Variants in AUTS2 observed in about 807,000 individuals in gnomAD.
The protein encoded by AUTS2 is autism susceptibility gene 2 protein.
Under a neutral mutation model 112.4 loss-of-function variants are expected in AUTS2, and 17 were observed. The ratio of observed to expected loss-of-function variants is 0.15; its 90% CI spans 0.10 to 0.23. AUTS2 has a LOEUF of 0.23. Ranked by LOEUF, AUTS2 falls within the 10% of genes least tolerant of loss-of-function variation. The probability of loss-of-function intolerance (pLI) is 1.00; values close to 1 mark genes in which losing one functional copy is unlikely to be tolerated. For missense variants in AUTS2, 1,510 were observed against 1,701.6 expected (o/e 0.89, Z 1.98); for synonymous variants, 751 against 702.7 (o/e 1.07, Z -1.09).
chr7:70,764,299 CTCT>C (rs896138666), intron 7 of AUTS2, among the ~76,000 whole-genome samples: 12 of 152,146 alleles, frequency 7.9e-5, no homozygotes, highest in African/African-American at 2.9e-4. Flanking sequence ...TGGGTTTCAC[CTCT>C]TCTTTGTGTG....
chr7:70,336,169 A>G (rs1790981416), intron 4 of AUTS2, among the ~76,000 whole-genome samples: 1 of 152,218 alleles, frequency 6.6e-6, no homozygotes, highest in African/African-American at 2.4e-5. Flanking sequence ...TGGTTTGTTA[A>G]CAGTTAGGAA....
chr7:69,677,311 C>A (rs1265929118), intron 1 of AUTS2, among the ~76,000 whole-genome samples: 2 of 152,146 alleles, frequency 1.3e-5, no homozygotes, highest in Non-Finnish European at 2.9e-5. Context: ...ATCCAAGGTA[C>A]AAGTTTTCCA....
In AUTS2 at chr7:69,899,316, G is replaced by T; in HGVS notation, c.340G>T (p.Val114Leu). 6.2e-7 allele frequency: 1 copy of T among 1,613,778 alleles called. No individual in the cohort carries two copies. The highest frequency in any genetic ancestry group is 2.2e-5 in the East Asian group (1 of 44,868). The change falls in exon 2 of 19, where the codon GTG becomes TTG. Residue 114 changes from valine (V) to leucine (L), a missense_variant. Physicochemically the swap from Val to Leu is conservative, Grantham distance 32. This residue lies in a region of AUTS2 where 535 missense variants were observed against 594.3 expected (regional missense o/e 0.90). Coordinates refer to ENST00000342771, the MANE Select transcript of AUTS2 (RefSeq NM_015570.4). ...KDVALKPQER[V>L]EKRQTPLTKK... is the part of the protein sequence containing the mutation. ...TGTAGCACTTAAGCCTCAGGAACGT[G>T]TGGAGAAACGCCAGACGCCCCTGAC...
chr7:70,764,977 C>A lies in AUTS2; in HGVS notation c.1440C>A (p.Ala480=). The part of the protein sequence containing the change: ...PPLTSGSLQV[A]GHPAGSTYSE... ...TGACATCAGGAAGTCTGCAGGTGGC[C>A]GGACACCCGGCCGGGAGCACTTACT... Residue 480 remains alanine, a synonymous_variant, in exon 8 of 19, where the codon GCC becomes GCA. Transcript: ENST00000342771. 1 of 1,613,782 alleles carries A rather than the reference C, an allele frequency of 6.2e-7. No homozygotes were observed. The highest frequency in any genetic ancestry group is 8.5e-7 in the Non-Finnish European group (1 of 1,179,988).
In AUTS2 at chr7:69,599,333, C is replaced by T. The variant is rs1792236802; in HGVS notation, c.-321C>T. 6 of 282,634 alleles carry T rather than the reference C, an allele frequency of 2.1e-5. No homozygotes were observed. The highest frequency in any genetic ancestry group is 6.0e-5 in the East Asian group (1 of 16,590). The allele number at this position is 282,634 out of a possible 1,614,324, so 17.5% of individuals were successfully genotyped here. On this transcript the variant is annotated 5_prime_UTR_variant, in exon 1 of 19. Transcript: ENST00000342771. This position sits in a 1 kb window ranked among gnomAD's most constrained non-coding sequence, Gnocchi z 7.0. ...TATTTTTTTTTCCTCTAAAGGAGACCTGTGTGTTCAGCCATTACTTTGCTC... is the reference window on the plus strand; with the variant it reads ...TATTTTTTTTTCCTCTAAAGGAGACTTGTGTGTTCAGCCATTACTTTGCTC...
rs138388867 is a variant in AUTS2, at chr7:69,819,833, G to T, written c.310-79453G>T. Among the ~76,000 whole-genome samples the T allele has an allele frequency of 3.1e-3, 471 of 152,188 alleles. 3 individuals carry two copies. The highest frequency in any genetic ancestry group is 0.01 in the Middle Eastern group (3 of 294). On this transcript the variant is annotated intron_variant, in intron 1 of 18. Coordinates refer to ENST00000342771, the MANE Select transcript of AUTS2 (RefSeq NM_015570.4). ...AGGGTCCCACTATGTTGCCTAAGTG[G>T]GCTCAAGTGATTCTCTGTGCCTTCC...
chr7:70,208,423 G>T (rs564833341), intron 4 of AUTS2, among the ~76,000 whole-genome samples: 3 of 152,126 alleles, frequency 2.0e-5, no homozygotes, highest in Non-Finnish European at 4.4e-5. Context: ...GCATTTTAGG[G>T]TTGCAGTATT....
chr7:69,788,149 C>T (rs574580766), intron 1 of AUTS2, among the ~76,000 whole-genome samples: 1 of 152,304 alleles, frequency 6.6e-6, no homozygotes, highest in Admixed American at 6.5e-5. Context: ...CACCCCACCC[C>T]ACCTCAAGCC....
At chr7:69,614,370 T>TCTTTCTTTCTTTCTTTTC (rs1322536871) in intron 1 of AUTS2, among the ~76,000 whole-genome samples, 9 of 28,548 alleles carry the variant, frequency 3.2e-4, no homozygotes, top group Admixed American at 6.7e-4. Flanking sequence ...CTTTCTTTTT[T>TCTTTCTTTCTTTCTTTTC]TAAGAGATGG....
chr7:70,768,001 C>G lies in AUTS2; in HGVS notation c.1690-23C>G, dbSNP rs1283739193. 1.9e-6 allele frequency: 3 copies of G among 1,609,442 alleles called. No individual in the cohort carries two copies. The African/African-American group carries it at 4.0e-5, about 22-fold the overall frequency. Reference sequence around the variant, plus strand: ...ACAAAAATGCAGATTAAGTAACTAGCTTTTGCTTTGATCCCTTTACAGTTT... The same window carrying G: ...ACAAAAATGCAGATTAAGTAACTAGGTTTTGCTTTGATCCCTTTACAGTTT... On this transcript the variant is annotated intron_variant, in intron 9 of 18. Coordinates refer to ENST00000342771, the MANE Select transcript of AUTS2 (RefSeq NM_015570.4).
Position 70,631,698 on chromosome 7 carries a change from C to G in AUTS2, c.691-66871C>G, listed in dbSNP as rs1284214496. ...GAATACAGTCAGCACCATTTATAGC[C>G]CCATGTCCCCAACCTTAGCCTTTGC... On this transcript the variant is annotated intron_variant, in intron 5 of 18. Coordinates refer to ENST00000342771, the MANE Select transcript of AUTS2 (RefSeq NM_015570.4). This position sits in a 1 kb window ranked among gnomAD's most constrained non-coding sequence, Gnocchi z 4.5. 6.6e-6 allele frequency among the ~76,000 whole-genome samples: 1 copy of G among 152,114 alleles called. No individual in the cohort carries two copies. The highest frequency in any genetic ancestry group is 1.5e-5 in the Non-Finnish European group (1 of 68,018).
intron 5 of AUTS2, among the ~76,000 whole-genome samples, chr7:70,523,922 T>C (rs1799740304): frequency 6.6e-6 from 1 of 152,350 alleles, no homozygotes; most frequent in South Asian, 2.1e-4. Context: ...CAGTAGAAAC[T>C]GTAATTCCTT....
At chr7:70,021,827 G>A (rs546573975) in intron 2 of AUTS2, among the ~76,000 whole-genome samples, 49 of 152,108 alleles carry the variant, frequency 3.2e-4, no homozygotes, top group African/African-American at 1.1e-3. Context: ...TCTCCTTTAG[G>A]AAAGGAAATG....
intron 1 of AUTS2, among the ~76,000 whole-genome samples, chr7:69,650,115 A>G (rs1446768473): frequency 6.6e-6 from 1 of 152,156 alleles, no homozygotes. Context: ...AGAGATGGCA[A>G]AATCATTTAT....
intron 4 of AUTS2, among the ~76,000 whole-genome samples, chr7:70,144,102 C>T (rs1431771524): frequency 6.6e-6 from 1 of 151,976 alleles, no homozygotes; most frequent in African/African-American, 2.4e-5. Context: ...TCTCTTACTG[C>T]TCCTCAGAGT....
At chr7:69,611,967 AT>A (rs2129080082) in intron 1 of AUTS2, among the ~76,000 whole-genome samples, 1 of 138,786 alleles carries the variant, frequency 7.2e-6, no homozygotes, top group East Asian at 2.2e-4. Flanking sequence ...ATTGTAAATT[AT>A]TTTGGCAATG....
chr7:69,792,609 T>G (rs1789663616), intron 1 of AUTS2, among the ~76,000 whole-genome samples: 1 of 152,200 alleles, frequency 6.6e-6, no homozygotes. Flanking sequence ...ACTTTCTCTG[T>G]GCACATATAC....
chr7:70,093,894 A>C (rs1284169595), intron 2 of AUTS2, among the ~76,000 whole-genome samples: 3 of 152,238 alleles, frequency 2.0e-5, no homozygotes, highest in Non-Finnish European at 4.4e-5. Context: ...CCTTGTGTGT[A>C]TTGAACCCTT....
rs77160960 is a variant in AUTS2, at chr7:70,154,720, C to T, written c.660+20149C>T. 3.7e-3 allele frequency among the ~76,000 whole-genome samples: 561 copies of T among 152,314 alleles called. 5 individuals carry two copies. Among genetic ancestry groups the T allele is most frequent in the African/African-American group, 0.012 (502 of 41,580 alleles). ...TGCCACTGGCATGAACCATGATCAGCGCTCTCCACTTGACTCATGGTGACT... is the reference window on the plus strand; with the variant it reads ...TGCCACTGGCATGAACCATGATCAGTGCTCTCCACTTGACTCATGGTGACT... On this transcript the variant is annotated intron_variant, in intron 4 of 18. Transcript: ENST00000342771.
Sources: gnomAD v4.1 joint callset for allele counts (sites outside exome capture counted in the v4.1 genomes callset) on GRCh38, gnomAD v4.1.1 for gene constraint, gnomAD v4.1.1 regional missense constraint, Gnocchi (gnomAD v3.1) non-coding constraint, MANE v1.5 for transcripts, NCBI Gene and HGNC (gene_info 2026-07-23, HGNC 2026-07-21) for gene names.